Variants in ROBO1 observed in about 807,000 individuals in gnomAD.
ROBO1 encodes roundabout guidance receptor 1, also known as roundabout homolog 1.
Under a neutral mutation model 195.9 loss-of-function variants are expected in ROBO1, and 149 were observed. The observed-to-expected ratio is 0.76, with a 90% CI of 0.67 to 0.87. The LOEUF (loss-of-function observed/expected upper bound fraction) is 0.87. Among genes scored for constraint, ROBO1 ranks in the 40% least tolerant of loss-of-function variants. ROBO1 has a pLI of 0.00. For missense variants in ROBO1, 1,933 were observed against 2,068.3 expected, an observed-to-expected ratio of 0.93 and a Z score of 1.27; for synonymous variants, 816 against 733.2, an observed-to-expected ratio of 1.11 and a Z score of -1.82.
intron 2 of ROBO1, among the ~76,000 whole-genome samples, chr3:79,486,948 G>A (rs1393163101): frequency 6.6e-6 from 1 of 152,108 alleles, no homozygotes; most frequent in Non-Finnish European, 1.5e-5. Flanking sequence ...CAGTACCTGA[G>A]GGATCGACAT....
At chr3:78,610,359 G>C (rs1181218520) in intron 28 of ROBO1, among the ~76,000 whole-genome samples, 1 of 152,138 alleles carries the variant, frequency 6.6e-6, no homozygotes, top group African/African-American at 2.4e-5. Context: ...AAAACAGGCT[G>C]TATCAAGTAG....
At chr3:79,520,230 CAAAGTA>C in intron 2 of ROBO1, among the ~76,000 whole-genome samples, 1 of 151,166 alleles carries the variant, frequency 6.6e-6, no homozygotes, top group South Asian at 2.1e-4. Context: ...CCGAAGAAAG[CAAAGTA>C]AAACAGGCAG....
intron 1 of ROBO1, among the ~76,000 whole-genome samples, chr3:79,689,019 T>A (rs1005020654): frequency 1.3e-5 from 2 of 152,048 alleles, no homozygotes; most frequent in Non-Finnish European, 2.9e-5. Flanking sequence ...AGCTATTCTA[T>A]TTAACATTGT....
intron 2 of ROBO1, among the ~76,000 whole-genome samples, chr3:79,537,890 A>C (rs1314026342): frequency 1.4e-5 from 2 of 145,470 alleles, no homozygotes; most frequent in African/African-American, 5.5e-5. Flanking sequence ...CCTGAACTTA[A>C]AGTAAAAAAT....
intron 21 of ROBO1, among the ~76,000 whole-genome samples, chr3:78,643,230 A>G (rs1001077494): frequency 7.2e-5 from 11 of 152,276 alleles, no homozygotes; most frequent in South Asian, 4.1e-4. Context: ...AACTCTGCCA[A>G]TGTGGCTCAA....
At position 78,962,652 on chromosome 3, in the gene ROBO1, C is replaced by T. The variant is rs551462468; in HGVS notation, c.173-23725G>A. Reference sequence around the variant, plus strand: ...CATCCTGGCTAACACGGTGAAACCCCGTCTCTACTAAAAATACAAAAAATT... The same window carrying T: ...CATCCTGGCTAACACGGTGAAACCCTGTCTCTACTAAAAATACAAAAAATT... On this transcript the variant is annotated intron_variant, in intron 3 of 30. Coordinates refer to ENST00000464233, the MANE Select transcript of ROBO1 (RefSeq NM_002941.4). Among the ~76,000 whole-genome samples, 21 of 151,788 alleles carry T rather than the reference C, an allele frequency of 1.4e-4. No individual in the cohort carries two copies. In the South Asian group the frequency reaches 4.2e-3, roughly 30 times the overall value.
chr3:79,705,767 G>A (rs906880708), intron 1 of ROBO1, among the ~76,000 whole-genome samples: 1 of 152,100 alleles, frequency 6.6e-6, no homozygotes, highest in Admixed American at 6.6e-5. Context: ...ACAAGTTGGG[G>A]AGAACTGACA....
intron 2 of ROBO1, among the ~76,000 whole-genome samples, chr3:79,349,226 T>C (rs1473950496): frequency 6.6e-6 from 1 of 152,202 alleles, no homozygotes; most frequent in Admixed American, 6.5e-5. Flanking sequence ...GAGGATCAAC[T>C]TGAAGTAAAT....
chr3:79,436,930 T>C (rs1451142642), intron 2 of ROBO1, among the ~76,000 whole-genome samples: 1 of 152,132 alleles, frequency 6.6e-6, no homozygotes, highest in Non-Finnish European at 1.5e-5. Flanking sequence ...AAATCATGCA[T>C]ATATAGGATT....
intron 5 of ROBO1, among the ~76,000 whole-genome samples, chr3:78,724,340 C>A (rs192918876): frequency 6.6e-6 from 1 of 151,868 alleles, no homozygotes; most frequent in Non-Finnish European, 1.5e-5. Context: ...TGACCCTGAT[C>A]GAATATAACA....
intron 2 of ROBO1, among the ~76,000 whole-genome samples, chr3:79,137,656 C>T (rs1381090636): frequency 6.6e-6 from 1 of 151,960 alleles, no homozygotes; most frequent in African/African-American, 2.4e-5. Flanking sequence ...TCAGTATTTC[C>T]GTTTTCAAGA....
intron 2 of ROBO1, among the ~76,000 whole-genome samples, chr3:79,176,914 T>TCC (rs1167999347): frequency 6.6e-5 from 10 of 152,316 alleles, no homozygotes; most frequent in African/African-American, 2.2e-4. Flanking sequence ...CAAAATATAT[T>TCC]AGCTCATAGT....
chr3:79,609,163 G>T (rs1055642102), intron 1 of ROBO1, among the ~76,000 whole-genome samples: 4 of 151,508 alleles, frequency 2.6e-5, no homozygotes, highest in Non-Finnish European at 5.9e-5. Context: ...TGTTTTAGCA[G>T]CACAAACAGA....
chr3:79,340,318 C>G (rs1168137182), intron 2 of ROBO1, among the ~76,000 whole-genome samples: 1 of 152,206 alleles, frequency 6.6e-6, no homozygotes, highest in African/African-American at 2.4e-5. Context: ...CAAGATGGGA[C>G]AAGTCCTCAG....
At chr3:79,094,428 C>T (rs760815512) in intron 3 of ROBO1, among the ~76,000 whole-genome samples, 29 of 152,072 alleles carry the variant, frequency 1.9e-4, no homozygotes, top group Non-Finnish European at 2.1e-4. Flanking sequence ...ATAAGTACTG[C>T]ATGGACATCC....
intron 1 of ROBO1, among the ~76,000 whole-genome samples, chr3:79,667,750 A>G (rs1946515190): frequency 1.3e-5 from 2 of 151,782 alleles, no homozygotes; most frequent in Non-Finnish European, 2.9e-5. Flanking sequence ...CATTGTGAGT[A>G]TTCTTAGAAT....
intron 1 of ROBO1, among the ~76,000 whole-genome samples, chr3:79,669,934 A>T (rs1946585335): frequency 1.3e-5 from 2 of 152,016 alleles, no homozygotes; most frequent in South Asian, 2.1e-4. Flanking sequence ...TTTACTTCTT[A>T]TGCTGGGCAG....
At chr3:79,224,662 A>AT (rs1576838141) in intron 2 of ROBO1, among the ~76,000 whole-genome samples, 1 of 152,234 alleles carries the variant, frequency 6.6e-6, no homozygotes, top group East Asian at 1.9e-4. Flanking sequence ...TGATCGAGAT[A>AT]TTTTTGTAAC....
intron 2 of ROBO1, among the ~76,000 whole-genome samples, chr3:79,128,947 C>T (rs1332693971): frequency 6.6e-6 from 1 of 152,204 alleles, no homozygotes; most frequent in Non-Finnish European, 1.5e-5. Context: ...TTTCACACAG[C>T]TCCAGATTTC....
Sources: allele counts gnomAD v4.1 joint callset (sites outside exome capture counted in the v4.1 genomes callset), GRCh38; gene constraint gnomAD v4.1.1; transcripts MANE v1.5; gene names NCBI Gene and HGNC (gene_info 2026-07-23, HGNC 2026-07-21).